Variants in CDIP1 observed in about 807,000 individuals in gnomAD.
CDIP1 encodes the protein cell death inducing p53 target 1.
Under a neutral mutation model 17.7 loss-of-function variants are expected in CDIP1, and 9 were observed. That is an observed-to-expected ratio of 0.51 (90% confidence interval 0.31 to 0.89). The LOEUF (loss-of-function observed/expected upper bound fraction) is 0.89, where lower values mean the gene tolerates loss of function less well. Ranked by LOEUF, CDIP1 falls within the 40% of genes least tolerant of loss-of-function variation. CDIP1 has a pLI of 0.05. For missense variants in CDIP1, 263 were observed against 277.9 expected, an observed-to-expected ratio of 0.95 and a Z score of 0.38; for synonymous variants, 117 against 109.5, an observed-to-expected ratio of 1.07 and a Z score of -0.43.
At position 4,513,425 on chromosome 16, in the gene CDIP1, C is replaced by T. The variant is rs982842637; in HGVS notation, c.241+271G>A. 2.0e-5 allele frequency among the ~76,000 whole-genome samples: 3 copies of T among 152,160 alleles called. No individual in the cohort carries two copies. Among genetic ancestry groups the T allele is most frequent in the Non-Finnish European group, 2.9e-5 (2 of 68,016 alleles). On this transcript the variant is annotated intron_variant, in intron 4 of 5. Coordinates refer to ENST00000567695, the MANE Select transcript of CDIP1 (RefSeq NM_013399.3). The surrounding 1 kb of genome is among the most constrained non-coding windows in gnomAD (Gnocchi z 4.1). ...GGAAAGCCTTGCGGGTCACCCACCCCTCTCCTGCACACAAGGCGCCCCTCC... is the reference window on the plus strand; with the variant it reads ...GGAAAGCCTTGCGGGTCACCCACCCTTCTCCTGCACACAAGGCGCCCCTCC...
At chr16:4,529,979 A>C (rs577454251) in intron 1 of CDIP1, among the ~76,000 whole-genome samples, 1 of 152,348 alleles carries the variant, frequency 6.6e-6, no homozygotes, top group Non-Finnish European at 1.5e-5. Context: ...GGGATGTGGA[A>C]AAGCAAACCT....
At chr16:4,520,626 T>A (rs778521153) in intron 1 of CDIP1, among the ~76,000 whole-genome samples, 82 of 152,150 alleles carry the variant, frequency 5.4e-4, no homozygotes, top group African/African-American at 1.8e-3. Flanking sequence ...CAATATATAT[T>A]TTTTTAAATC....
intron 1 of CDIP1, among the ~76,000 whole-genome samples, chr16:4,525,651 AG>A (rs1272270095): frequency 6.6e-6 from 1 of 152,210 alleles, no homozygotes; most frequent in Non-Finnish European, 1.5e-5. Flanking sequence ...AGCTGACCAG[AG>A]GGACCCTATT....
chr16:4,522,617 G>A (rs1358922016), intron 1 of CDIP1: 2 of 152,380 alleles, frequency 1.3e-5, no homozygotes, highest in East Asian at 3.9e-4. Context: ...GCAGAGCCGA[G>A]GTAAAAGACA....
intron 1 of CDIP1, among the ~76,000 whole-genome samples, chr16:4,522,206 G>A (rs141508106): frequency 1.2e-4 from 18 of 152,368 alleles, no homozygotes; most frequent in African/African-American, 4.1e-4. Context: ...TCTTTGAGAA[G>A]GCAGAGACAC....
chr16:4,526,337 G>A (rs1424691693), intron 1 of CDIP1, among the ~76,000 whole-genome samples: 3 of 151,510 alleles, frequency 2.0e-5, no homozygotes, highest in Admixed American at 6.6e-5. Context: ...CCCAGGAGGC[G>A]GAGGTTGCAG....
At chr16:4,525,385 G>C (rs1054864706) in intron 1 of CDIP1, among the ~76,000 whole-genome samples, 4 of 152,176 alleles carry the variant, frequency 2.6e-5, no homozygotes, top group Non-Finnish European at 5.9e-5. Context: ...CTGGCTCAAG[G>C]AGGAGCTGAG....
chr16:4,528,390 T>G (rs996665599), intron 1 of CDIP1, among the ~76,000 whole-genome samples: 1 of 152,130 alleles, frequency 6.6e-6, no homozygotes, highest in Non-Finnish European at 1.5e-5. Flanking sequence ...TAACACATAT[T>G]AACAGTTTTT....
chr16:4,516,801 G>A (rs773718205), intron 1 of CDIP1, among the ~76,000 whole-genome samples: 4 of 146,990 alleles, frequency 2.7e-5, no homozygotes, highest in African/African-American at 7.6e-5. Flanking sequence ...TCTGCCTCCC[G>A]GGTCCCAGCG....
intron 1 of CDIP1, among the ~76,000 whole-genome samples, chr16:4,530,301 T>C (rs1020250742): frequency 1.3e-5 from 2 of 152,222 alleles, no homozygotes; most frequent in Admixed American, 1.3e-4. Flanking sequence ...AAGAATTCAC[T>C]TACATTGGTT....
intron 1 of CDIP1, among the ~76,000 whole-genome samples, chr16:4,535,635 C>T (rs1019304574): frequency 6.6e-6 from 1 of 152,230 alleles, no homozygotes; most frequent in Non-Finnish European, 1.5e-5. Flanking sequence ...GTCTCCACGT[C>T]TAGGCAGCCC....
intron 1 of CDIP1, among the ~76,000 whole-genome samples, chr16:4,516,499 T>C (rs1221814495): frequency 6.6e-6 from 1 of 152,128 alleles, no homozygotes; most frequent in Non-Finnish European, 1.5e-5. Context: ...TGCTGGTCTG[T>C]ATGCACAGGC....
chr16:4,525,161 C>T (rs2058811), intron 1 of CDIP1, among the ~76,000 whole-genome samples: 78,587 of 151,968 alleles, frequency 0.52, 24,702 homozygotes, highest in Non-Finnish European at 0.69. Flanking sequence ...AAGTTCTCTT[C>T]AAGTGATCCA....
Position 4,530,052 on chromosome 16 carries a change from C to G in CDIP1, c.-105+8650G>C, listed in dbSNP as rs1020219614. ...ATACCTGTACACAGAAGCTCCCCCT[C>G]CAGCAATTTTCCCTCAGAACAGTGA... On this transcript the variant is annotated intron_variant, in intron 1 of 5. Transcript: ENST00000567695. Among the ~76,000 whole-genome samples the G allele has an allele frequency of 1.3e-5, 2 of 152,234 alleles. 1 individual carries two copies. The highest frequency in any genetic ancestry group is 2.9e-5 in the Non-Finnish European group (2 of 68,038).
chr16:4,521,912 A>G (rs1047673543), intron 1 of CDIP1, among the ~76,000 whole-genome samples: 1 of 152,214 alleles, frequency 6.6e-6, no homozygotes, highest in Non-Finnish European at 1.5e-5. Context: ...CGCTGGGCCT[A>G]GCACACAATG....
At position 4,517,574 on chromosome 16, in the gene CDIP1, C is replaced by T. The variant is rs1012259730; in HGVS notation, c.-104-2910G>A. On this transcript the variant is annotated intron_variant, in intron 1 of 5. Transcript: ENST00000567695. ...GGTCAACATGGCAAGACTCTTGTCT[C>T]TACAAAAGAAAAATTTTTAAATTAG... Among the ~76,000 whole-genome samples, 7 of 152,162 alleles carry T rather than the reference C, an allele frequency of 4.6e-5. No individual in the cohort carries two copies. In the South Asian group the frequency reaches 1.5e-3, roughly 32 times the overall value.
intron 1 of CDIP1, among the ~76,000 whole-genome samples, chr16:4,535,152 C>T (rs1567425436): frequency 6.6e-6 from 1 of 152,164 alleles, no homozygotes; most frequent in African/African-American, 2.4e-5. Flanking sequence ...GGCCTCTTTT[C>T]CTTCTTGGGG....
chr16:4,530,399 C>G (rs190056619), intron 1 of CDIP1, among the ~76,000 whole-genome samples: 1 of 152,300 alleles, frequency 6.6e-6, no homozygotes, highest in Admixed American at 6.5e-5. Context: ...CCTGTAATCC[C>G]AGCACTTTGG....
intron 1 of CDIP1, among the ~76,000 whole-genome samples, chr16:4,534,421 C>A (rs1352340606): frequency 1.3e-5 from 2 of 152,230 alleles, no homozygotes; most frequent in Non-Finnish European, 2.9e-5. Flanking sequence ...GCAGTGATCA[C>A]AATGGGGCTG....
Sources: allele counts gnomAD v4.1 joint callset (sites outside exome capture counted in the v4.1 genomes callset), GRCh38; gene constraint gnomAD v4.1.1; non-coding constraint Gnocchi (gnomAD v3.1); transcripts MANE v1.5; gene names NCBI Gene and HGNC (gene_info 2026-07-23, HGNC 2026-07-21).